The following MARCHF11 variants were observed in gnomAD, a reference collection of about 807,000 sequenced individuals.
MARCHF11 encodes membrane associated ring-CH-type finger 11.
In MARCHF11, 29 loss-of-function variants were observed where a neutral mutation model predicts 37.3. That is an observed-to-expected ratio of 0.78 (90% CI 0.58 to 1.06). The LOEUF (loss-of-function observed/expected upper bound fraction) is 1.06. MARCHF11 is among the 50% of genes least tolerant of loss of function. The pLI, the probability that MARCHF11 is intolerant of heterozygous loss-of-function variation, is 0.00. For missense variants in MARCHF11, 482 were observed against 533.4 expected (o/e 0.90, Z 0.95); for synonymous variants, 233 against 228.0 (o/e 1.02, Z -0.20).
chr5:16,135,240 G>A (rs1187337663), intron 2 of MARCHF11, among the ~76,000 whole-genome samples: 1 of 152,084 alleles, frequency 6.6e-6, no homozygotes, highest in East Asian at 1.9e-4. Context: ...TTCAAAAGGG[G>A]CCCCTGCTGG....
rs1276033675 is a variant in MARCHF11, at chr5:16,179,774, A to C, written c.-199T>G. 1 of 194,382 alleles carries C rather than the reference A, an allele frequency of 5.1e-6. No individual in the cohort carries two copies. The highest frequency in any genetic ancestry group is 1.3e-4 in the East Asian group (1 of 7,714). 12.0% of individuals were successfully genotyped at this position (194,382 alleles called of 1,614,324 possible). The stretch of plus-strand genomic sequence containing the variant: ...GGCGGCAGGCGCGGCCGTTCGGTGG[A>C]GCCGCCGGCTCGGCTCTGATGGAGG... On this transcript the variant is annotated 5_prime_UTR_variant, in exon 1 of 4. Coordinates refer to ENST00000332432, the MANE Select transcript of MARCHF11 (RefSeq NM_001102562.3).
chr5:16,164,800 C>T (rs1011959703), intron 2 of MARCHF11, among the ~76,000 whole-genome samples: 4 of 152,054 alleles, frequency 2.6e-5, no homozygotes, highest in African/African-American at 7.2e-5. Context: ...TTCTTCATCC[C>T]TGCCATCATC....
At chr5:16,170,341 TGAAAA>T (rs1269800193) in intron 2 of MARCHF11, among the ~76,000 whole-genome samples, 1 of 152,040 alleles carries the variant, frequency 6.6e-6, no homozygotes, top group Admixed American at 6.6e-5. Context: ...TTTTATTTTT[TGAAAA>T]GAGCAGATAT....
chr5:16,143,459 G>T (rs964780486), intron 2 of MARCHF11, among the ~76,000 whole-genome samples: 3 of 152,330 alleles, frequency 2.0e-5, no homozygotes, highest in Non-Finnish European at 4.4e-5. Context: ...CCAGGTGCTG[G>T]TTCACCAGGC....
intron 2 of MARCHF11, among the ~76,000 whole-genome samples, chr5:16,122,425 T>G (rs1737326032): frequency 6.6e-6 from 1 of 152,208 alleles, no homozygotes; most frequent in Admixed American, 6.5e-5. Context: ...GCTCATCACA[T>G]GTGTGGTCTT....
At chr5:16,160,577 C>A (rs2402097) in intron 2 of MARCHF11, among the ~76,000 whole-genome samples, 26,205 of 150,984 alleles carry the variant, frequency 0.17, 2,373 homozygotes, top group African/African-American at 0.21. Flanking sequence ...AATATTATGC[C>A]TGAGATCACA....
At chr5:16,071,611 T>C (rs1394337163) in intron 3 of MARCHF11, among the ~76,000 whole-genome samples, 1 of 152,228 alleles carries the variant, frequency 6.6e-6, no homozygotes, top group African/African-American at 2.4e-5. Flanking sequence ...CAGGTACATA[T>C]GGTCACATGC....
At chr5:16,073,179 T>G (rs926721908) in intron 3 of MARCHF11, among the ~76,000 whole-genome samples, 1 of 152,144 alleles carries the variant, frequency 6.6e-6, no homozygotes, top group Non-Finnish European at 1.5e-5. Flanking sequence ...CATTTTAGAG[T>G]CCATCTAATA....
intron 2 of MARCHF11, among the ~76,000 whole-genome samples, chr5:16,143,023 A>AGCC (rs1345157574): frequency 1.3e-5 from 2 of 151,052 alleles, no homozygotes; most frequent in Admixed American, 1.3e-4. Context: ...TACAGGCATG[A>AGCC]GCCACCATTC....
At chr5:16,168,054 T>G (rs925282425) in intron 2 of MARCHF11, among the ~76,000 whole-genome samples, 3 of 152,104 alleles carry the variant, frequency 2.0e-5, no homozygotes, top group African/African-American at 7.2e-5. Flanking sequence ...ATATGAATAA[T>G]CATGCATCCA....
chr5:16,072,967 T>G (rs116373578), intron 3 of MARCHF11, among the ~76,000 whole-genome samples: 3,583 of 152,258 alleles, frequency 0.024, 137 homozygotes, highest in African/African-American at 0.082. Flanking sequence ...AAACTTTGCT[T>G]AAATCACAAA....
chr5:16,177,888 A>G lies in MARCHF11; in HGVS notation c.538-7T>C. 6.2e-7 allele frequency: 1 copy of G among 1,604,616 alleles called. No homozygotes were observed. The highest frequency in any genetic ancestry group is 1.1e-5 in the South Asian group (1 of 88,798). On this transcript the variant is annotated splice_region_variant and splice_polypyrimidine_tract_variant and intron_variant, in intron 1 of 3. Transcript: ENST00000332432. Reference sequence around the variant, plus strand: ...AGGGGTTCAACAACTCACCCTAAAAAGAAAACAGCTCAGTGTGAATATCTG... The same window carrying G: ...AGGGGTTCAACAACTCACCCTAAAAGGAAAACAGCTCAGTGTGAATATCTG...
Position 16,076,053 on chromosome 5 carries a change from C to A in MARCHF11, c.887-8260G>T, listed in dbSNP as rs77076881. ...GAGACAGATATGGATTCCTCCCTGT[C>A]TTTTCAGGCAAAATAGAGAGAGTAA... On this transcript the variant is annotated intron_variant, in intron 3 of 3. Transcript: ENST00000332432. Among the ~76,000 whole-genome samples, 4 of 152,300 alleles carry A rather than the reference C, an allele frequency of 2.6e-5. No homozygotes were observed. The East Asian group carries it at 7.7e-4, about 29-fold the overall frequency.
At chr5:16,078,213 A>T (rs1171665649) in intron 3 of MARCHF11, among the ~76,000 whole-genome samples, 2 of 152,134 alleles carry the variant, frequency 1.3e-5, no homozygotes, top group African/African-American at 2.4e-5. Context: ...GGTCCTGCTC[A>T]CCATCTGTTT....
chr5:16,083,540 C>T (rs1736647107), intron 3 of MARCHF11, among the ~76,000 whole-genome samples: 1 of 152,206 alleles, frequency 6.6e-6, no homozygotes, highest in Non-Finnish European at 1.5e-5. Context: ...ACTTAAGGCT[C>T]TCCTGCGGTC....
Position 16,072,887 on chromosome 5 carries a change from C to T in MARCHF11, c.887-5094G>A, listed in dbSNP as rs528524332. Reference sequence around the variant, plus strand: ...AAGGGAGACGAGGGAGTGGATGCTTCACCTGCACTCCTAGAGGTATAATAA... The same window carrying T: ...AAGGGAGACGAGGGAGTGGATGCTTTACCTGCACTCCTAGAGGTATAATAA... On this transcript the variant is annotated intron_variant, in intron 3 of 3. Coordinates refer to ENST00000332432, the MANE Select transcript of MARCHF11 (RefSeq NM_001102562.3). 1.4e-4 allele frequency among the ~76,000 whole-genome samples: 21 copies of T among 152,212 alleles called. No homozygotes were observed. In the South Asian group the frequency reaches 4.4e-3, roughly 32 times the overall value.
chr5:16,141,253 G>A (rs1470413196), intron 2 of MARCHF11: 4 of 152,124 alleles, frequency 2.6e-5, no homozygotes, highest in East Asian at 1.9e-4. Context: ...CTCAGGGTGC[G>A]AATATTTACT....
chr5:16,166,324 A>C (rs959852118), intron 2 of MARCHF11, among the ~76,000 whole-genome samples: 2 of 152,034 alleles, frequency 1.3e-5, no homozygotes, highest in Non-Finnish European at 2.9e-5. Flanking sequence ...AGGTGCCACT[A>C]ATACTGAACC....
At chr5:16,115,918 T>C (rs554683251) in intron 2 of MARCHF11, among the ~76,000 whole-genome samples, 3 of 152,290 alleles carry the variant, frequency 2.0e-5, no homozygotes, top group Admixed American at 6.5e-5. Context: ...TAAGCCACCA[T>C]GCCCGGGTGC....
Sources: gnomAD v4.1 joint callset for allele counts (sites outside exome capture counted in the v4.1 genomes callset) on GRCh38, gnomAD v4.1.1 for gene constraint, MANE v1.5 for transcripts, NCBI Gene and HGNC (gene_info 2026-07-23, HGNC 2026-07-21) for gene names.